Variants in SEMA3A observed in about 807,000 individuals in gnomAD.
SEMA3A encodes semaphorin 3A.
SEMA3A carries 29 observed loss-of-function variants against 97.9 expected under a neutral mutation model. The ratio of observed to expected loss-of-function variants is 0.30; its 90% CI spans 0.22 to 0.40. The LOEUF (loss-of-function observed/expected upper bound fraction) is 0.40. Among genes scored for constraint, SEMA3A ranks in the 10% least tolerant of loss-of-function variants. The pLI is 1.00. For synonymous variants in SEMA3A, 321 were observed against 323.7 expected, an observed-to-expected ratio of 0.99 and a Z score of 0.09; for missense variants, 763 against 951.3, an observed-to-expected ratio of 0.80 and a Z score of 2.60.
chr7:84,115,384 T>C (rs1450203393), intron 3 of SEMA3A, among the ~76,000 whole-genome samples: 1 of 152,112 alleles, frequency 6.6e-6, no homozygotes, highest in Non-Finnish European at 1.5e-5. Flanking sequence ...CCTAGAAATA[T>C]TGTTCAAGAC....
intron 4 of SEMA3A, among the ~76,000 whole-genome samples, chr7:84,068,868 G>A (rs1225986046): frequency 6.6e-6 from 1 of 152,120 alleles, no homozygotes; most frequent in Non-Finnish European, 1.5e-5. Context: ...TCGTCATGGT[G>A]TCAGGTAATG....
intron 3 of SEMA3A, among the ~76,000 whole-genome samples, chr7:84,216,520 T>G (rs913115137): frequency 1.4e-4 from 22 of 152,272 alleles, no homozygotes; most frequent in African/African-American, 5.1e-4. Flanking sequence ...TTTCTTCAGC[T>G]TGAATTTTAC....
rs561133108 is a variant in SEMA3A, at chr7:83,969,452, T to C, written c.1718-6105A>G. Among the ~76,000 whole-genome samples the C allele has an allele frequency of 2.0e-4, 30 of 152,318 alleles. No homozygotes were observed. In the East Asian group the frequency reaches 5.6e-3, roughly 28 times the overall value. ...GGTTTATTCCCCTGGCCCACCACAC[T>C]GTGTATTCATAATCCTGGCAGAATG... On this transcript the variant is annotated intron_variant, in intron 15 of 16. Transcript: ENST00000265362.
intron 1 of SEMA3A, among the ~76,000 whole-genome samples, chr7:84,411,194 T>C (rs960247491): frequency 6.6e-5 from 10 of 152,086 alleles, no homozygotes; most frequent in African/African-American, 2.2e-4. Context: ...ATACTTGATT[T>C]CTGGACTAGG....
intron 2 of SEMA3A, among the ~76,000 whole-genome samples, chr7:84,316,985 C>T (rs751494957): frequency 2.0e-5 from 3 of 151,134 alleles, no homozygotes; most frequent in East Asian, 1.9e-4. Flanking sequence ...TTTTTTTTTT[C>T]GCACATTAGG....
At chr7:84,068,677 C>T (rs1213153645) in intron 4 of SEMA3A, among the ~76,000 whole-genome samples, 1 of 152,038 alleles carries the variant, frequency 6.6e-6, no homozygotes, top group Non-Finnish European at 1.5e-5. Context: ...GCTATCTCCT[C>T]AAAGCATAAG....
At chr7:83,989,850 G>T in intron 12 of SEMA3A, among the ~76,000 whole-genome samples, 1 of 150,372 alleles carries the variant, frequency 6.7e-6, no homozygotes, top group African/African-American at 2.4e-5. Flanking sequence ...GGATGGCTGG[G>T]TCAAATGGTA....
chr7:84,439,988 C>T (rs1353558932), intron 1 of SEMA3A, among the ~76,000 whole-genome samples: 2 of 152,040 alleles, frequency 1.3e-5, no homozygotes, highest in African/African-American at 4.8e-5. Flanking sequence ...AGGCACTATA[C>T]TTGATAAGGT....
intron 2 of SEMA3A, among the ~76,000 whole-genome samples, chr7:84,324,703 A>G (rs1436958385): frequency 1.3e-5 from 2 of 152,172 alleles, no homozygotes; most frequent in African/African-American, 4.8e-5. Context: ...TTTATTATGA[A>G]GCACATGGTC....
In SEMA3A at chr7:84,051,868, A is replaced by T. The variant is rs1268631659; in HGVS notation, c.548-5425T>A. Among the ~76,000 whole-genome samples the T allele has an allele frequency of 6.0e-5, 9 of 150,962 alleles. No individual in the cohort carries two copies. The South Asian group carries it at 6.3e-4, about 11-fold the overall frequency. On this transcript the variant is annotated intron_variant, in intron 5 of 16. Coordinates refer to ENST00000265362, the MANE Select transcript of SEMA3A (RefSeq NM_006080.3). Reference sequence around the variant, plus strand: ...GGGTTTGTCATAGATAGCTCTTATTATTTTGAAATACGTCCCATCAATACC... The same window carrying T: ...GGGTTTGTCATAGATAGCTCTTATTTTTTTGAAATACGTCCCATCAATACC...
chr7:84,417,220 C>G (rs1022799595), intron 1 of SEMA3A, among the ~76,000 whole-genome samples: 3 of 151,896 alleles, frequency 2.0e-5, no homozygotes, highest in African/African-American at 7.2e-5. Context: ...ATATTCTGTG[C>G]ATAATACAAG....
intron 1 of SEMA3A, among the ~76,000 whole-genome samples, chr7:84,163,528 TATC>T (rs1268112612): frequency 1.3e-5 from 2 of 152,192 alleles, no homozygotes; most frequent in Non-Finnish European, 2.9e-5. Flanking sequence ...CACATTCTGA[TATC>T]AACGACGCAT....
chr7:84,455,464 T>A (rs2116375398), intron 1 of SEMA3A, among the ~76,000 whole-genome samples: 1 of 152,092 alleles, frequency 6.6e-6, no homozygotes, highest in African/African-American at 2.4e-5. Flanking sequence ...TATGTTTGAT[T>A]AATAAAAATA....
intron 2 of SEMA3A, among the ~76,000 whole-genome samples, chr7:84,314,040 A>G (rs113088319): frequency 6.6e-6 from 1 of 152,226 alleles, no homozygotes; most frequent in Non-Finnish European, 1.5e-5. Context: ...CTTGAAGTGT[A>G]TGCCCAAATG....
chr7:84,014,472 T>G (rs1483969521), intron 6 of SEMA3A, 121 bp from the exon 7 acceptor site: 1 of 739,240 alleles, frequency 1.4e-6, no homozygotes, highest in Non-Finnish European at 2.1e-6. Context: ...GTATCTTTCG[T>G]TTGTTCATTT....
chr7:84,200,113 A>T (rs1798318644), upstream of SEMA3A, among the ~76,000 whole-genome samples: 1 of 152,018 alleles, frequency 6.6e-6, no homozygotes, highest in African/African-American at 2.4e-5. Flanking sequence ...GATTTCAGTA[A>T]AAGAAGCTCT....
intron 1 of SEMA3A, among the ~76,000 whole-genome samples, chr7:84,484,170 A>G (rs759522605): frequency 2.0e-5 from 3 of 152,164 alleles, no homozygotes; most frequent in Non-Finnish European, 4.4e-5. Flanking sequence ...TACTAAAAAT[A>G]TTATAATCTA....
chr7:84,310,682 G>C (rs949705736), intron 2 of SEMA3A, among the ~76,000 whole-genome samples: 1 of 151,940 alleles, frequency 6.6e-6, no homozygotes, highest in Admixed American at 6.6e-5. Flanking sequence ...TGCTGTAATT[G>C]TTTTCATTAA....
chr7:84,454,876 A>G (rs1805650394), intron 1 of SEMA3A, among the ~76,000 whole-genome samples: 1 of 152,014 alleles, frequency 6.6e-6, no homozygotes, highest in Non-Finnish European at 1.5e-5. Flanking sequence ...TAAGCCTAGT[A>G]ATTTCATGTA....
Sources: allele counts gnomAD v4.1 joint callset (sites outside exome capture counted in the v4.1 genomes callset), GRCh38; gene constraint gnomAD v4.1.1; transcripts MANE v1.5; gene names NCBI Gene and HGNC (gene_info 2026-07-23, HGNC 2026-07-21).